TOMM20: variants seen among roughly 807,000 people sequenced by gnomAD.
TOMM20 encodes mitochondrial import receptor subunit TOM20 homolog.
TOMM20 carries 10 observed loss-of-function variants against 22.1 expected under a neutral mutation model. The ratio of observed to expected loss-of-function variants is 0.45; its 90% CI spans 0.28 to 0.77. The LOEUF (loss-of-function observed/expected upper bound fraction) is 0.77, where lower values mean the gene tolerates loss of function less well. Ranked by LOEUF, TOMM20 falls within the 30% of genes least tolerant of loss-of-function variation. TOMM20 has a pLI of 0.13. For missense variants in TOMM20, 121 were observed against 172.2 expected, an observed-to-expected ratio of 0.70 and a Z score of 1.66; for synonymous variants, 55 against 61.4, an observed-to-expected ratio of 0.90 and a Z score of 0.49.
In TOMM20 at chr1:235,116,853, G is replaced by C. The variant is rs574281804; in HGVS notation, c.251-2943C>G. 1.3e-4 allele frequency among the ~76,000 whole-genome samples: 20 copies of C among 152,036 alleles called. No individual in the cohort carries two copies. The South Asian group carries it at 4.0e-3, about 30-fold the overall frequency. On this transcript the variant is annotated intron_variant, in intron 3 of 4. Coordinates refer to ENST00000366607, the MANE Select transcript of TOMM20 (RefSeq NM_014765.3). ...AAATTGATCTTAAAGAGTAAGAATGGGGCTGGGCACGCTGGCTCAAGCCTG... is the reference window on the plus strand; with the variant it reads ...AAATTGATCTTAAAGAGTAAGAATGCGGCTGGGCACGCTGGCTCAAGCCTG...
chr1:235,120,651 C>T lies in TOMM20; in HGVS notation c.169-752G>A, dbSNP rs562538144. ...CTGTAGTGCAGTAGTGTGATCACAG[C>T]TCAGTGCCTTCACCTCTCAGGATCA... is the stretch of plus-strand genomic sequence containing the variant. On this transcript the variant is annotated intron_variant, in intron 2 of 4. Coordinates refer to ENST00000366607, the MANE Select transcript of TOMM20 (RefSeq NM_014765.3). Among the ~76,000 whole-genome samples the T allele has an allele frequency of 2.8e-4, 43 of 151,986 alleles. 1 individual carries two copies. In the South Asian group the frequency reaches 6.9e-3, roughly 24 times the overall value.
chr1:235,117,088 T>G (rs1320454523), intron 3 of TOMM20, among the ~76,000 whole-genome samples: 6 of 119,824 alleles, frequency 5.0e-5, no homozygotes, highest in Admixed American at 2.4e-4. Context: ...TGAGCGGAGA[T>G]CGCGCCACTG....
intron 3 of TOMM20, among the ~76,000 whole-genome samples, chr1:235,115,660 CA>C (rs899747455): frequency 3.3e-5 from 5 of 152,060 alleles, no homozygotes; most frequent in Non-Finnish European, 7.4e-5. Context: ...AAAATAATAA[CA>C]ATACAAGTAG....
intron 2 of TOMM20, among the ~76,000 whole-genome samples, chr1:235,121,541 A>C (rs1338196093): frequency 6.6e-6 from 1 of 152,226 alleles, no homozygotes; most frequent in Non-Finnish European, 1.5e-5. Flanking sequence ...TACCATGTCC[A>C]GTCAACTAGC....
At position 235,126,035 on chromosome 1, in the gene TOMM20, C is replaced by T. The variant is rs373662757; in HGVS notation, c.121+2560G>A. ...CCTCCCAAAGTGCTGGGATTACAGGCGTGAGTCACTGCGCCTGGTCGATAG... is the reference window on the plus strand; with the variant it reads ...CCTCCCAAAGTGCTGGGATTACAGGTGTGAGTCACTGCGCCTGGTCGATAG... On this transcript the variant is annotated intron_variant, in intron 1 of 4. Coordinates refer to ENST00000366607, the MANE Select transcript of TOMM20 (RefSeq NM_014765.3). Among the ~76,000 whole-genome samples, 49 of 151,444 alleles carry T rather than the reference C, an allele frequency of 3.2e-4. 1 individual carries two copies. The highest frequency in any genetic ancestry group is 1.0e-3 in the African/African-American group (43 of 41,256).
chr1:235,119,865 T>G lies in TOMM20; in HGVS notation c.203A>C (p.Lys68Thr). Residue 68 changes from lysine (K) to threonine (T), a missense_variant, in exon 3 of 5, where the codon AAG becomes ACG. Coordinates refer to ENST00000366607, the MANE Select transcript of TOMM20 (RefSeq NM_014765.3). ...PDLKDAEAVQ[K>T]FFLEEIQLGE... ...AAGCTGTATTTCTTCAAGGAAGAAC[T>G]TCTGAACAGCTTCAGCATCTTTAAG... 2 of 1,612,582 alleles carry G rather than the reference T, an allele frequency of 1.2e-6. No homozygotes were observed. The highest frequency in any genetic ancestry group is 1.7e-6 in the Non-Finnish European group (2 of 1,179,096).
chr1:235,126,853 A>T (rs1661032339), intron 1 of TOMM20, among the ~76,000 whole-genome samples: 1 of 152,208 alleles, frequency 6.6e-6, no homozygotes, highest in African/African-American at 2.4e-5. Flanking sequence ...ATGTGTGAGG[A>T]ACAGGACTAA....
intron 3 of TOMM20, among the ~76,000 whole-genome samples, chr1:235,119,171 C>T (rs1660885362): frequency 1.3e-5 from 2 of 152,104 alleles, no homozygotes; most frequent in African/African-American, 2.4e-5. Context: ...ACGGTTCTCA[C>T]GTTTGTCAAT....
intron 2 of TOMM20, among the ~76,000 whole-genome samples, chr1:235,120,868 T>G (rs1572130000): frequency 9.4e-5 from 2 of 21,386 alleles, no homozygotes; most frequent in Admixed American, 4.8e-4. Context: ...AGACCCTGTC[T>G]CAAAAAAAAA....
intron 3 of TOMM20, among the ~76,000 whole-genome samples, chr1:235,117,134 CAAAAAAAAAA>C (rs869235889): frequency 6.6e-4 from 20 of 30,386 alleles, no homozygotes; most frequent in South Asian, 2.8e-3. Flanking sequence ...GACTCCATCT[CAAAAAAAAAA>C]AAAAAAAAAA....
At chr1:235,114,439 CT>C (rs67573955) in intron 3 of TOMM20, among the ~76,000 whole-genome samples, 31,049 of 131,276 alleles carry the variant, frequency 0.24, 3,532 homozygotes, top group South Asian at 0.48. Context: ...CTTATTTTTT[CT>C]TTTTTTTTTT....
intron 1 of TOMM20, chr1:235,127,842 A>G (rs376442775): frequency 3.9e-6 from 2 of 519,008 alleles, no homozygotes; most frequent in African/African-American, 3.8e-5. Flanking sequence ...CCACGGGAGA[A>G]GCGCAGCCCT....
intron 2 of TOMM20, among the ~76,000 whole-genome samples, 193 bp downstream of exon 2, chr1:235,122,133 T>C (rs944029508): frequency 6.6e-6 from 1 of 152,170 alleles, no homozygotes; most frequent in Non-Finnish European, 1.5e-5. Context: ...AAAGAAATAA[T>C]GAAGGACTCG....
At chr1:235,113,668 AGTTTATTTCATCAT>A in intron 4 of TOMM20, 86 bp downstream of exon 4, 1 of 1,416,936 alleles carries the variant, frequency 7.1e-7, no homozygotes, top group Non-Finnish European at 9.5e-7. Flanking sequence ...TATACAGATA[AGTTTATTTCATCAT>A]GTTCACTAGG....
At chr1:235,125,186 A>G (rs990128068) in intron 1 of TOMM20, among the ~76,000 whole-genome samples, 1 of 151,974 alleles carries the variant, frequency 6.6e-6, no homozygotes, top group African/African-American at 2.4e-5. Context: ...GCCTCATTTT[A>G]AACAATATAA....
intron 1 of TOMM20, among the ~76,000 whole-genome samples, chr1:235,123,645 C>T (rs1660965952): frequency 6.6e-6 from 1 of 152,194 alleles, no homozygotes; most frequent in Non-Finnish European, 1.5e-5. Flanking sequence ...AAATACAATT[C>T]TAGCCATTTC....
rs201031224 is a variant in TOMM20, at chr1:235,113,762, C to A, written c.393+6G>T. 2.0e-4 allele frequency: 328 copies of A among 1,604,512 alleles called. No homozygotes were observed. Among genetic ancestry groups the A allele is most frequent in the Middle Eastern group, 8.6e-4 (4 of 4,668 alleles). On this transcript the variant is annotated splice_donor_region_variant and intron_variant, in intron 4 of 4. Transcript: ENST00000366607. ...ACTTTTATGTCATAACATTCCAATT[C>A]CTTACCTGACTAATTGTTGGGAGCT...
intron 1 of TOMM20, 144 bp downstream of exon 1, chr1:235,128,451 C>A: frequency 7.6e-7 from 1 of 1,320,020 alleles, no homozygotes; most frequent in Non-Finnish European, 1.0e-6. Flanking sequence ...CCCGGAGCGG[C>A]GCAGCCAGCG....
chr1:235,111,111 T>C lies in TOMM20; in HGVS notation c.*953A>G, dbSNP rs894884102. 1.4e-4 allele frequency: 21 copies of C among 152,302 alleles called. No individual in the cohort carries two copies. Among genetic ancestry groups the C allele is most frequent in the African/African-American group, 5.1e-4 (21 of 41,558 alleles). The allele number at this position is 152,302 out of a possible 1,614,324, so 9.4% of individuals were successfully genotyped here. On this transcript the variant is annotated 3_prime_UTR_variant, in exon 5 of 5. Transcript: ENST00000366607. The stretch of plus-strand genomic sequence containing the variant: ...AATTTACAGAGTAGTGACAGAACCA[T>C]ATAATTTCAGTGAAAATCAAGATAG...
Sources: allele counts gnomAD v4.1 joint callset (sites outside exome capture counted in the v4.1 genomes callset), GRCh38; gene constraint gnomAD v4.1.1; transcripts MANE v1.5; gene names NCBI Gene and HGNC (gene_info 2026-07-23, HGNC 2026-07-21).